Variants in PLBD1 observed in about 807,000 individuals in gnomAD.
The protein encoded by PLBD1 is phospholipase B domain containing 1, also known as lysosomal leucine aminopeptidase.
A neutral mutation model predicts 63.0 loss-of-function variants in PLBD1; 60 were observed. The ratio of observed to expected loss-of-function variants is 0.95; its 90% CI spans 0.77 to 1.18. The LOEUF (loss-of-function observed/expected upper bound fraction) is 1.18. Ranked by LOEUF, PLBD1 falls within the 50% of genes most tolerant of loss-of-function variation. PLBD1 has a pLI of 0.00. For synonymous variants in PLBD1, 262 were observed against 248.0 expected, an observed-to-expected ratio of 1.06 and a Z score of -0.53; for missense variants, 598 against 677.9, an observed-to-expected ratio of 0.88 and a Z score of 1.31.
chr12:14,538,747 C>T (rs534515052), intron 4 of PLBD1, among the ~76,000 whole-genome samples: 82 of 152,168 alleles, frequency 5.4e-4, no homozygotes, highest in South Asian at 3.5e-3. Flanking sequence ...CTCTTCTGGC[C>T]GGGCACAGTG....
At chr12:14,567,153 A>ACAATCGTG (rs1172445061) in intron 1 of PLBD1, among the ~76,000 whole-genome samples, 1 of 152,322 alleles carries the variant, frequency 6.6e-6, no homozygotes, top group South Asian at 2.1e-4. Context: ...TATCAAACTG[A>ACAATCGTG]CAATCGTGCA....
intron 4 of PLBD1, among the ~76,000 whole-genome samples, chr12:14,540,129 T>TATATATATATATATATATATATATATAC (rs1418609619): frequency 2.9e-5 from 4 of 137,118 alleles, no homozygotes; most frequent in Non-Finnish European, 6.3e-5. Flanking sequence ...TATATATATA[T>TATATATATATATATATATATATATATAC]ATACTGGCAA....
At position 14,567,585 on chromosome 12, in the gene PLBD1, C is replaced by A. The variant is rs1281609135; in HGVS notation, c.112G>T (p.Ala38Ser). The change falls in exon 1 of 11, where the codon GCA becomes TCA. Residue 38 changes from alanine to serine, a missense_variant. Physicochemically the swap from Ala to Ser is moderately conservative, Grantham distance 99 (BLOSUM62 1). Transcript: ENST00000240617. ...LLVTAEPPKP[A>S]GVYYATAYWM... ...GCCCAGGGCGCGCTCTGCTCACCTG[C>A]AGGTTTCGGCGGCTCCGCGGTGACT... 6.7e-7 allele frequency: 1 copy of A among 1,501,016 alleles called. No individual in the cohort carries two copies. The highest frequency in any genetic ancestry group is 2.2e-5 in the Admixed American group (1 of 46,322). The allele number at this position is 1,501,016 out of a possible 1,614,324, so 93.0% of individuals were successfully genotyped here. A position where few individuals can be genotyped will look rare whatever the true frequency, so the allele number is the denominator to read the frequency against.
At chr12:14,566,674 CCTCTGGCATCCCCTAA>C (rs1257217129) in intron 1 of PLBD1, among the ~76,000 whole-genome samples, 1 of 151,876 alleles carries the variant, frequency 6.6e-6, no homozygotes, top group African/African-American at 2.4e-5. Flanking sequence ...AAGAAAATGC[CCTCTGGCATCCCCTAA>C]CTCTGTCTTA....
chr12:14,566,754 C>T lies in PLBD1; in HGVS notation c.115+828G>A, dbSNP rs374415026. On this transcript the variant is annotated intron_variant, in intron 1 of 10. Transcript: ENST00000240617. ...TTCTGATCAATCTCACTTTTCTCAT[C>T]TGCAGAATGGGGAATATAATCCTAT... is the stretch of plus-strand genomic sequence containing the variant. Among the ~76,000 whole-genome samples the T allele has an allele frequency of 3.3e-5, 5 of 149,786 alleles. No individual in the cohort carries two copies. The East Asian group carries it at 9.9e-4, about 30-fold the overall frequency.
chr12:14,560,944 T>C (rs1232950614), intron 1 of PLBD1, among the ~76,000 whole-genome samples: 1 of 151,990 alleles, frequency 6.6e-6, no homozygotes, highest in African/African-American at 2.4e-5. Flanking sequence ...GCTCCCATAC[T>C]ACAAAGGTCA....
At position 14,567,807 on chromosome 12, in the gene PLBD1, G is replaced by C; in HGVS notation, c.-111C>G. On this transcript the variant is annotated 5_prime_UTR_variant, in exon 1 of 11. Coordinates refer to ENST00000240617, the MANE Select transcript of PLBD1 (RefSeq NM_024829.6). ...TACTCAGGGGCGCCGCCTCTCCGAGGTGGGGCGTCCTCAACTTTCCTCTTT... is the reference window on the plus strand; with the variant it reads ...TACTCAGGGGCGCCGCCTCTCCGAGCTGGGGCGTCCTCAACTTTCCTCTTT... 1 of 1,315,446 alleles carries C rather than the reference G, an allele frequency of 7.6e-7. No homozygotes were observed. 81.5% of individuals were successfully genotyped at this position (1,315,446 alleles called of 1,614,324 possible).
chr12:14,551,013 A>G (rs1264963269), intron 2 of PLBD1, among the ~76,000 whole-genome samples: 3 of 152,108 alleles, frequency 2.0e-5, no homozygotes, highest in Admixed American at 2.0e-4. Flanking sequence ...ACTGCACTCC[A>G]GCCTGGTAAC....
At chr12:14,537,086 C>G (rs941955630) in intron 4 of PLBD1, among the ~76,000 whole-genome samples, 5 of 120,826 alleles carry the variant, frequency 4.1e-5, no homozygotes, top group African/African-American at 1.6e-4. Context: ...GAGACCGCAT[C>G]TCAAAAAAAA....
Position 14,553,377 on chromosome 12 carries a change from C to T in PLBD1, c.151G>A (p.Glu51Lys), listed in dbSNP as rs201565550. The T allele has an allele frequency of 4.1e-5, 66 of 1,614,192 alleles. No individual in the cohort carries two copies. In the African/African-American group the frequency reaches 7.2e-4, roughly 18 times the overall value. Residue 51 changes from glutamate (E) to lysine (K), a missense_variant, in exon 2 of 11, where the codon GAA (glutamate) becomes AAA (lysine). Coordinates refer to ENST00000240617, the MANE Select transcript of PLBD1 (RefSeq NM_024829.6). ...YYATAYWMPA[E>K]KTVQVKNVMD... Reference sequence around the variant, plus strand: ...ACATTTTTGACTTGTACTGTCTTTTCAGCAGGCATCCAGTATGCAGTTGCA... The same window carrying T: ...ACATTTTTGACTTGTACTGTCTTTTTAGCAGGCATCCAGTATGCAGTTGCA...
At chr12:14,553,563 T>C in intron 1 of PLBD1, 151 bp from the exon 2 acceptor site, 1 of 694,706 alleles carries the variant, frequency 1.4e-6, no homozygotes, top group Non-Finnish European at 2.4e-6. Context: ...TGCCCTTAAT[T>C]CCAAGTGGGG....
chr12:14,516,910 A>G (rs1945341614), intron 6 of PLBD1, among the ~76,000 whole-genome samples: 1 of 151,992 alleles, frequency 6.6e-6, no homozygotes, highest in Non-Finnish European at 1.5e-5. Context: ...ATGGTGGCAT[A>G]CGCCTGTGGT....
In PLBD1 at chr12:14,536,688, T is replaced by G; in HGVS notation, c.581A>C (p.Gln194Pro). ...TAGATCTCCAACACTATTCAGGAAC[T>G]GAATCTGGAACAGGGTCATTGGCTA... ...GTKPMTLFQI[Q>P]FLNSVGDLLD... The change falls in exon 5 of 11, where the codon CAG becomes CCG. Residue 194 changes from glutamine (Q) to proline (P), a missense_variant. By Grantham distance (76) the Gln-to-Pro change is moderately conservative (BLOSUM62 -1). Coordinates refer to ENST00000240617, the MANE Select transcript of PLBD1 (RefSeq NM_024829.6). 6.2e-7 allele frequency: 1 copy of G among 1,614,134 alleles called. No individual in the cohort carries two copies. The highest frequency in any genetic ancestry group is 8.5e-7 in the Non-Finnish European group (1 of 1,179,996).
chr12:14,519,820 A>T (rs759611180), intron 6 of PLBD1, among the ~76,000 whole-genome samples: 2 of 152,210 alleles, frequency 1.3e-5, no homozygotes, highest in Non-Finnish European at 2.9e-5. Context: ...AGTCTTTGTC[A>T]TGGCAGCCTT....
chr12:14,553,426 G>T lies in PLBD1; in HGVS notation c.116-14C>A, dbSNP rs1400758453. On this transcript the variant is annotated splice_polypyrimidine_tract_variant and intron_variant, in intron 1 of 10. Coordinates refer to ENST00000240617, the MANE Select transcript of PLBD1 (RefSeq NM_024829.6). ...CATAGTAGACTCCTAGAAGAAAAGG[G>T]AATAATGACAAAAACGCCATTCAAA... 1.9e-6 allele frequency: 3 copies of T among 1,599,102 alleles called. No homozygotes were observed. The highest frequency in any genetic ancestry group is 2.7e-5 in the African/African-American group (2 of 74,470).
Position 14,507,015 on chromosome 12 carries a change from T to G in PLBD1, c.1290A>C (p.Leu430Phe). 1 of 1,614,098 alleles carries G rather than the reference T, an allele frequency of 6.2e-7. No homozygotes were observed. Among genetic ancestry groups the G allele is most frequent in the Non-Finnish European group, 8.5e-7 (1 of 1,179,982 alleles). Residue 430 changes from leucine to phenylalanine, a missense_variant, in exon 9 of 11, where the codon TTA (leucine) becomes TTC (phenylalanine). Leu to Phe is a conservative substitution (Grantham distance 22, BLOSUM62 0). Transcript: ENST00000240617. ...QKLGLDYSYD[L>F]APRAKIFRRD... ...GCCGGAAAATTTTGGCTCGTGGAGC[T>G]AAATCATAAGAGTAGTCCAAGCCCA...
chr12:14,512,432 G>A (rs2136906295), intron 6 of PLBD1, among the ~76,000 whole-genome samples: 1 of 152,102 alleles, frequency 6.6e-6, no homozygotes, highest in African/African-American at 2.4e-5. Flanking sequence ...ACAGGTGTGG[G>A]CCACCACACC....
intron 6 of PLBD1, among the ~76,000 whole-genome samples, chr12:14,520,895 A>T (rs1431124726): frequency 6.6e-6 from 1 of 152,160 alleles, no homozygotes; most frequent in Non-Finnish European, 1.5e-5. Context: ...TGGCATTCAC[A>T]TGGCTGTATT....
At chr12:14,562,712 A>AT (rs942075482) in intron 1 of PLBD1, among the ~76,000 whole-genome samples, 1 of 152,098 alleles carries the variant, frequency 6.6e-6, no homozygotes, top group African/African-American at 2.4e-5. Flanking sequence ...ACTCCATTCC[A>AT]TTTTTTTGAA....
Sources: allele counts gnomAD v4.1 joint callset (sites outside exome capture counted in the v4.1 genomes callset), GRCh38; gene constraint gnomAD v4.1.1; transcripts MANE v1.5; gene names NCBI Gene and HGNC (gene_info 2026-07-23, HGNC 2026-07-21).